DOCK8: variants seen among roughly 807,000 people sequenced by gnomAD.
DOCK8 encodes the protein dedicator of cytokinesis protein 8.
In DOCK8, 141 loss-of-function variants were observed where a neutral mutation model predicts 245.6. The observed-to-expected ratio is 0.57, with a 90% CI of 0.50 to 0.66. DOCK8 has a LOEUF of 0.66. Ranked by LOEUF, DOCK8 falls within the 30% of genes least tolerant of loss-of-function variation. The probability of loss-of-function intolerance (pLI) is 0.00; values close to 1 mark genes in which losing one functional copy is unlikely to be tolerated. For missense variants in DOCK8, 2,965 were observed against 2,603.4 expected (o/e 1.14, Z -3.02); for synonymous variants, 1,168 against 970.2 (o/e 1.20, Z -3.79).
At chr9:226,278 T>G (rs1372333992) in intron 1 of DOCK8, among the ~76,000 whole-genome samples, 1 of 152,078 alleles carries the variant, frequency 6.6e-6, no homozygotes, top group Admixed American at 6.6e-5. Flanking sequence ...TTCACTATCA[T>G]GAGAATAGCA....
intron 1 of DOCK8, among the ~76,000 whole-genome samples, chr9:260,661 A>C (rs910459376): frequency 3.9e-5 from 6 of 152,240 alleles, no homozygotes; most frequent in Non-Finnish European, 5.9e-5. Flanking sequence ...AGAAAACTAG[A>C]AACAACAGAA....
At chr9:286,268 C>A (rs1245043966) in intron 2 of DOCK8, among the ~76,000 whole-genome samples, 193 bp from the exon 3 acceptor site, 1 of 152,170 alleles carries the variant, frequency 6.6e-6, no homozygotes, top group Non-Finnish European at 1.5e-5. Context: ...TATGACTTGA[C>A]TTTCTGTGCT....
chr9:290,119 C>G (rs2048977824), intron 4 of DOCK8, among the ~76,000 whole-genome samples: 1 of 152,048 alleles, frequency 6.6e-6, no homozygotes, highest in South Asian at 2.1e-4. Context: ...TTTATTTATC[C>G]ATTAACTTAC....
At chr9:418,348 T>G in intron 30 of DOCK8, 141 bp downstream of exon 30, 1 of 1,170,558 alleles carries the variant, frequency 8.5e-7, no homozygotes, top group Non-Finnish European at 1.3e-6. Flanking sequence ...CTCAGTTCAC[T>G]GCAACCTCCG....
At chr9:283,644 ATCTG>A (rs1246503419) in intron 2 of DOCK8, among the ~76,000 whole-genome samples, 2 of 152,188 alleles carry the variant, frequency 1.3e-5, no homozygotes, top group East Asian at 3.8e-4. Context: ...AACATGTGAT[ATCTG>A]TCTTTCTGTT....
chr9:221,531 G>A (rs1184123801), intron 1 of DOCK8, among the ~76,000 whole-genome samples: 2 of 152,048 alleles, frequency 1.3e-5, no homozygotes, highest in Non-Finnish European at 2.9e-5. Flanking sequence ...ATACAGGAGG[G>A]CTGGCCACCG....
chr9:462,753 A>G lies in DOCK8; in HGVS notation c.6069-764A>G, dbSNP rs569377894. ...TTTGCTGTGCTTTCCTAGCACTTCC[A>G]TATGTACGTAGCAGGAGGAGGCTGA... On this transcript the variant is annotated intron_variant, in intron 46 of 47. Transcript: ENST00000432829. Among the ~76,000 whole-genome samples, 17 of 152,230 alleles carry G rather than the reference A, an allele frequency of 1.1e-4. No homozygotes were observed. In the South Asian group the frequency reaches 1.9e-3, roughly 17 times the overall value.
intron 14 of DOCK8, among the ~76,000 whole-genome samples, chr9:355,850 T>C (rs1371410028): frequency 9.2e-5 from 14 of 152,184 alleles, no homozygotes; most frequent in Admixed American, 9.2e-4. Flanking sequence ...TATTATCAAA[T>C]GTACAGAGTA....
intron 1 of DOCK8, among the ~76,000 whole-genome samples, chr9:216,038 G>C (rs1393442233): frequency 1.3e-5 from 2 of 152,130 alleles, no homozygotes; most frequent in Non-Finnish European, 2.9e-5. Flanking sequence ...GTTTGAACAA[G>C]GAATTAAAAG....
intron 1 of DOCK8, among the ~76,000 whole-genome samples, chr9:265,683 T>G (rs931161456): frequency 1.3e-5 from 2 of 152,160 alleles, no homozygotes; most frequent in African/African-American, 4.8e-5. Context: ...CAGCAGATAA[T>G]GAAAGAATTT....
rs754145157 is a variant in DOCK8, at chr9:214,920, C to G, written c.-57C>G. The G allele has an allele frequency of 2.5e-6, 4 of 1,604,052 alleles. No individual in the cohort carries two copies. The East Asian group carries it at 6.8e-5, about 27-fold the overall frequency. Reference sequence around the variant, plus strand: ...GTTCCGCGGCTACTCTGCGGCGCGCCAGGCCCCCGCTTTCCGCACCCCGCG... The same window carrying G: ...GTTCCGCGGCTACTCTGCGGCGCGCGAGGCCCCCGCTTTCCGCACCCCGCG... On this transcript the variant is annotated 5_prime_UTR_variant, in exon 1 of 48. Transcript: ENST00000432829.
chr9:283,806 T>G (rs2048697770), intron 2 of DOCK8, among the ~76,000 whole-genome samples: 1 of 152,230 alleles, frequency 6.6e-6, no homozygotes, highest in Non-Finnish European at 1.5e-5. Flanking sequence ...AGGCTATGTG[T>G]ATAAGGTGTA....
chr9:335,984 A>T (rs958815559), intron 11 of DOCK8, among the ~76,000 whole-genome samples: 2 of 152,214 alleles, frequency 1.3e-5, no homozygotes, highest in Admixed American at 6.5e-5. Context: ...CCAAAAGGGG[A>T]TAAGAAACAA....
At chr9:367,976 C>T (rs1171016501) in intron 14 of DOCK8, 42 bp from the exon 15 acceptor site, 5 of 1,515,988 alleles carry the variant, frequency 3.3e-6, no homozygotes, top group African/African-American at 1.4e-5. Flanking sequence ...TTAAAATAAA[C>T]TCTAGACCTT....
chr9:289,492 C>A lies in DOCK8; in HGVS notation c.333-18C>A. The stretch of plus-strand genomic sequence containing the variant: ...TTACCCAGTAATAACGTGTTTATTT[C>A]ATTTTCTACCTCATTAGGGTTGAAC... On this transcript the variant is annotated intron_variant, in intron 3 of 47. Coordinates refer to ENST00000432829, the MANE Select transcript of DOCK8 (RefSeq NM_203447.4). 6.2e-7 allele frequency: 1 copy of A among 1,609,630 alleles called. No individual in the cohort carries two copies. Among genetic ancestry groups the A allele is most frequent in the South Asian group, 1.1e-5 (1 of 90,936 alleles).
chr9:328,572 T>TGCAAAGTTCCCTCAGTGACAGCA (rs1244289917), intron 9 of DOCK8, among the ~76,000 whole-genome samples: 3 of 152,192 alleles, frequency 2.0e-5, no homozygotes, highest in Non-Finnish European at 4.4e-5. Flanking sequence ...AGTGACCTGG[T>TGCAAAGTTCCCTCAGTGACAGCA]GCAAAGAAGC....
chr9:243,921 A>G (rs1048579612), intron 1 of DOCK8, among the ~76,000 whole-genome samples: 3 of 152,064 alleles, frequency 2.0e-5, no homozygotes, highest in African/African-American at 7.2e-5. Flanking sequence ...GCGGTGGCTC[A>G]TGCCTGTAAT....
chr9:281,523 C>T (rs58776181), intron 2 of DOCK8, among the ~76,000 whole-genome samples: 5,660 of 152,200 alleles, frequency 0.037, 216 homozygotes, highest in African/African-American at 0.095. Context: ...TCCTCATTCC[C>T]TACCCGACCC....
chr9:257,560 G>A (rs1287600049), intron 1 of DOCK8, among the ~76,000 whole-genome samples: 2 of 152,082 alleles, frequency 1.3e-5, no homozygotes, highest in East Asian at 1.9e-4. Flanking sequence ...TCACTCTGTC[G>A]ACAGGCTGGA....
Sources: gnomAD v4.1 joint callset for allele counts (sites outside exome capture counted in the v4.1 genomes callset) on GRCh38, gnomAD v4.1.1 for gene constraint, MANE v1.5 for transcripts, NCBI Gene and HGNC (gene_info 2026-07-23, HGNC 2026-07-21) for gene names.